Variants in FILIP1L observed in about 807,000 individuals in gnomAD.
FILIP1L encodes filamin A-interacting protein 1-like.
In FILIP1L, 55 loss-of-function variants were observed where a neutral mutation model predicts 96.6. That is an observed-to-expected ratio of 0.57 (90% CI 0.46 to 0.71). The LOEUF is 0.71. Among genes scored for constraint, FILIP1L ranks in the 30% least tolerant of loss-of-function variants. FILIP1L has a pLI of 0.00. For missense variants in FILIP1L, 1,304 were observed against 1,321.2 expected, an observed-to-expected ratio of 0.99 and a Z score of 0.20; for synonymous variants, 467 against 473.9, an observed-to-expected ratio of 0.99 and a Z score of 0.19.
intron 4 of FILIP1L, among the ~76,000 whole-genome samples, chr3:99,897,617 G>A (rs793462): frequency 0.27 from 40,351 of 152,064 alleles, 6,065 homozygotes; most frequent in Admixed American, 0.34. Flanking sequence ...CTGGGGTATC[G>A]TGTATTTGAG....
At chr3:99,936,300 A>C (rs535907836) in intron 1 of FILIP1L, among the ~76,000 whole-genome samples, 147 of 151,164 alleles carry the variant, frequency 9.7e-4, no homozygotes, top group African/African-American at 3.4e-3. Flanking sequence ...ATCATATACA[A>C]GCCCATTCTA....
intron 4 of FILIP1L, among the ~76,000 whole-genome samples, chr3:99,917,507 T>A (rs1408134143): frequency 6.6e-6 from 1 of 152,142 alleles, no homozygotes; most frequent in Non-Finnish European, 1.5e-5. Flanking sequence ...TTTGGTGACT[T>A]TTTTTTATCT....
rs775888860 is a variant in FILIP1L, at chr3:100,104,390, C to CT, written c.-11+9662dup. On this transcript the variant is annotated intron_variant, in intron 1 of 5. Coordinates refer to ENST00000477258, the MANE Select transcript of FILIP1L (RefSeq NM_001387850.1). The stretch of plus-strand genomic sequence containing the variant: ...GTTTATTCAATAACTCTGAGCTACA[C>CT]TTTTTTTTACACAAGAAATGTGACC... 9.3e-4 allele frequency among the ~76,000 whole-genome samples: 142 copies of CT among 152,198 alleles called. No homozygotes were observed. The Middle Eastern group carries it at 0.017, about 18-fold the overall frequency.
intron 1 of FILIP1L, among the ~76,000 whole-genome samples, chr3:100,069,236 T>C (rs1245693009): frequency 6.6e-6 from 1 of 152,162 alleles, no homozygotes; most frequent in African/African-American, 2.4e-5. Context: ...TGCACATGGA[T>C]GTTAGTTGCA....
chr3:100,089,893 A>G (rs1426894468), intron 1 of FILIP1L, among the ~76,000 whole-genome samples: 4 of 152,214 alleles, frequency 2.6e-5, no homozygotes, highest in African/African-American at 9.6e-5. Context: ...TCCGTTTCCT[A>G]GGCTGTGAAC....
intron 1 of FILIP1L, among the ~76,000 whole-genome samples, chr3:99,959,682 A>T (rs1238618749): frequency 2.0e-5 from 3 of 152,212 alleles, no homozygotes; most frequent in Admixed American, 1.3e-4. Flanking sequence ...TGTAATAAAG[A>T]TGCTTATTTT....
intron 4 of FILIP1L, among the ~76,000 whole-genome samples, chr3:99,865,450 G>T (rs1188024072): frequency 2.6e-5 from 4 of 152,162 alleles, no homozygotes; most frequent in Non-Finnish European, 5.9e-5. Context: ...TAGCAATTCA[G>T]TGTTGTGTCA....
chr3:99,944,158 G>A (rs1171014943), intron 1 of FILIP1L, among the ~76,000 whole-genome samples: 2 of 152,342 alleles, frequency 1.3e-5, no homozygotes, highest in African/African-American at 4.8e-5. Context: ...AAGGGAGGGA[G>A]TTCTTCTAGT....
At chr3:100,029,433 A>G (rs555605225) in intron 1 of FILIP1L, among the ~76,000 whole-genome samples, 36 of 152,280 alleles carry the variant, frequency 2.4e-4, no homozygotes, top group South Asian at 2.3e-3. Flanking sequence ...CTAAATAGTC[A>G]TTCATTTTAC....
At chr3:100,041,942 AG>A (rs2065211926) in intron 1 of FILIP1L, among the ~76,000 whole-genome samples, 1 of 152,344 alleles carries the variant, frequency 6.6e-6, no homozygotes, top group East Asian at 1.9e-4. Context: ...GCTGCACCTC[AG>A]GAACAGTGAG....
At chr3:99,888,793 A>G (rs1044280050) in intron 4 of FILIP1L, among the ~76,000 whole-genome samples, 5 of 152,214 alleles carry the variant, frequency 3.3e-5, no homozygotes, top group African/African-American at 1.2e-4. Context: ...TTGATGTTTC[A>G]TAAATTTCCT....
At chr3:99,901,603 T>A (rs1294787944) in intron 4 of FILIP1L, among the ~76,000 whole-genome samples, 1 of 152,202 alleles carries the variant, frequency 6.6e-6, no homozygotes, top group Non-Finnish European at 1.5e-5. Flanking sequence ...TATTACATAG[T>A]TTACACTGCT....
At chr3:100,010,272 T>C (rs994662446) in intron 1 of FILIP1L, 2 of 291,980 alleles carry the variant, frequency 6.8e-6, no homozygotes, top group African/African-American at 2.3e-5. Flanking sequence ...TCCTTAGTAG[T>C]ATACTGTGTT....
At chr3:99,939,900 C>T (rs1466980370) in intron 1 of FILIP1L, among the ~76,000 whole-genome samples, 7 of 152,116 alleles carry the variant, frequency 4.6e-5, no homozygotes, top group Non-Finnish European at 8.8e-5. Flanking sequence ...TCTCTATGCT[C>T]ATGCTAAATT....
intron 5 of FILIP1L, among the ~76,000 whole-genome samples, chr3:99,838,777 A>G (rs1418531155): frequency 6.6e-6 from 1 of 152,188 alleles, no homozygotes; most frequent in Non-Finnish European, 1.5e-5. Context: ...TTATCCCTAA[A>G]GTTGTCATAA....
rs543003918 is a variant in FILIP1L, at chr3:99,975,162, G to A, written c.-10-44132C>T. Reference sequence around the variant, plus strand: ...CTTCCACCTGCTTCTGTTCCTCCCCGCTCCAATCTACCAGATTCCTCAGGT... The same window carrying A: ...CTTCCACCTGCTTCTGTTCCTCCCCACTCCAATCTACCAGATTCCTCAGGT... On this transcript the variant is annotated intron_variant, in intron 1 of 5. Transcript: ENST00000477258. Among the ~76,000 whole-genome samples, 31 of 152,168 alleles carry A rather than the reference G, an allele frequency of 2.0e-4. No individual in the cohort carries two copies. In the South Asian group the frequency reaches 4.3e-3, roughly 21 times the overall value.
Position 99,848,945 on chromosome 3 carries a change from C to T in FILIP1L, c.2731G>A (p.Val911Ile). 1.2e-6 allele frequency: 2 copies of T among 1,614,150 alleles called. No homozygotes were observed. Among genetic ancestry groups the T allele is most frequent in the South Asian group, 1.1e-5 (1 of 91,078 alleles). ...PLHIKVTPDH[V>I]QNTATLEITS... ...ATTTCAAGAGTGGCTGTGTTTTGTA[C>T]ATGGTCTGGAGTAACCTTTATATGA... is the stretch of plus-strand genomic sequence containing the variant. The change falls in exon 5 of 6, where the codon GTA (valine) becomes ATA (isoleucine). Residue 911 changes from valine to isoleucine, a missense_variant. Val to Ile is a conservative substitution (Grantham distance 29). Coordinates refer to ENST00000477258, the MANE Select transcript of FILIP1L (RefSeq NM_001387850.1).
rs1159797223 is a variant in FILIP1L at position 99,851,060 on chromosome 3, G to T, written c.616C>A (p.Leu206Ile). Residue 206 changes from leucine to isoleucine, a missense_variant, in exon 5 of 6, where the codon CTA becomes ATA. Leu to Ile is a conservative substitution (Grantham distance 5). Transcript: ENST00000477258. ...TGAGACTTGATTTCTTGATCAATTAGCTTCTTTAATCTGAAAAATGTAAAG... is the reference window on the plus strand; with the variant it reads ...TGAGACTTGATTTCTTGATCAATTATCTTCTTTAATCTGAAAAATGTAAAG... ...LEQECERLKK[L>I]IDQEIKSQEE... 5 of 1,584,348 alleles carry T rather than the reference G, an allele frequency of 3.2e-6. No individual in the cohort carries two copies. The highest frequency in any genetic ancestry group is 1.2e-5 in the South Asian group (1 of 86,282).
intron 4 of FILIP1L, among the ~76,000 whole-genome samples, chr3:99,908,294 T>C (rs1367130582): frequency 6.6e-6 from 1 of 152,250 alleles, no homozygotes; most frequent in Non-Finnish European, 1.5e-5. Context: ...AAAGAGATGC[T>C]ATTTTCTATT....
Sources: gnomAD v4.1 joint callset for allele counts (sites outside exome capture counted in the v4.1 genomes callset) on GRCh38, gnomAD v4.1.1 for gene constraint, MANE v1.5 for transcripts, NCBI Gene and HGNC (gene_info 2026-07-23, HGNC 2026-07-21) for gene names.